The following ERC2 variants were observed in gnomAD, a reference collection of about 807,000 sequenced individuals.
ERC2 encodes the protein ELKS/RAB6-interacting/CAST family member 2.
ERC2 carries 42 observed loss-of-function variants against 114.8 expected under a neutral mutation model. The ratio of observed to expected loss-of-function variants is 0.37; its 90% CI spans 0.29 to 0.47. The LOEUF is 0.47. Ranked by LOEUF, ERC2 falls within the 20% of genes least tolerant of loss-of-function variation. The pLI is 0.99. For synonymous variants in ERC2, 454 were observed against 425.5 expected (o/e 1.07, Z -0.82); for missense variants, 939 against 1,150.7 (o/e 0.82, Z 2.66).
intron 7 of ERC2, among the ~76,000 whole-genome samples, chr3:56,032,953 A>G (rs1442317709): frequency 1.3e-4 from 10 of 76,928 alleles, no homozygotes; most frequent in Non-Finnish European, 1.9e-4. Context: ...GAAAGAAAGA[A>G]AGAAACAGAA....
chr3:55,963,525 G>A (rs1245066379), intron 12 of ERC2, among the ~76,000 whole-genome samples: 1 of 152,022 alleles, frequency 6.6e-6, no homozygotes, highest in Non-Finnish European at 1.5e-5. Context: ...CCCAAGACAG[G>A]GACAAGACAT....
chr3:56,146,573 C>A (rs757808502), intron 5 of ERC2, among the ~76,000 whole-genome samples: 1 of 152,084 alleles, frequency 6.6e-6, no homozygotes, highest in African/African-American at 2.4e-5. Flanking sequence ...TTTGGTTATA[C>A]CTCTTCAATA....
intron 13 of ERC2, among the ~76,000 whole-genome samples, chr3:55,929,612 G>A (rs1404397468): frequency 2.0e-5 from 3 of 152,196 alleles, no homozygotes; most frequent in Admixed American, 6.5e-5. Flanking sequence ...TACAAAGGAA[G>A]GTGATATAAT....
At chr3:56,314,460 G>C (rs2056770397) in intron 2 of ERC2, among the ~76,000 whole-genome samples, 1 of 122,960 alleles carries the variant, frequency 8.1e-6, no homozygotes. Flanking sequence ...ATTGCAAACT[G>C]TTCCAGAATG....
At chr3:55,984,901 A>G (rs2070469603) in intron 12 of ERC2, among the ~76,000 whole-genome samples, 1 of 152,234 alleles carries the variant, frequency 6.6e-6, no homozygotes, top group Non-Finnish European at 1.5e-5. Context: ...AGGTTTGTGT[A>G]TAAAGACATG....
At chr3:55,704,282 G>T (rs902890282) in intron 15 of ERC2, among the ~76,000 whole-genome samples, 1 of 152,124 alleles carries the variant, frequency 6.6e-6, no homozygotes, top group Non-Finnish European at 1.5e-5. Flanking sequence ...AATTAAAACT[G>T]CTTTTAAAAA....
At chr3:55,590,167 G>A (rs543161910) in intron 17 of ERC2, among the ~76,000 whole-genome samples, 95 of 152,116 alleles carry the variant, frequency 6.2e-4, no homozygotes, top group Non-Finnish European at 1.2e-3. Context: ...GAAAATAAGC[G>A]AAATCTAAGT....
intron 7 of ERC2, among the ~76,000 whole-genome samples, chr3:56,078,395 T>G (rs1024128161): frequency 6.6e-6 from 1 of 152,220 alleles, no homozygotes; most frequent in Non-Finnish European, 1.5e-5. Context: ...TGTACATGAA[T>G]GTACCATTTA....
At chr3:55,905,307 C>T (rs1440639360) in intron 13 of ERC2, among the ~76,000 whole-genome samples, 1 of 152,190 alleles carries the variant, frequency 6.6e-6, no homozygotes, top group African/African-American at 2.4e-5. Flanking sequence ...TCTCGAACTC[C>T]TGACCTCAAG....
intron 10 of ERC2, among the ~76,000 whole-genome samples, chr3:55,998,855 T>G (rs1261126242): frequency 1.3e-5 from 2 of 152,184 alleles, no homozygotes; most frequent in Admixed American, 6.5e-5. Flanking sequence ...GCTAAATATG[T>G]GTTGAGAAGA....
chr3:56,030,916 G>A (rs1237769501), intron 7 of ERC2, among the ~76,000 whole-genome samples: 1 of 152,184 alleles, frequency 6.6e-6, no homozygotes, highest in East Asian at 1.9e-4. Context: ...GATACATGGG[G>A]AAAAGAGAGT....
At chr3:56,131,853 A>C (rs1027044106) in intron 6 of ERC2, among the ~76,000 whole-genome samples, 1 of 152,232 alleles carries the variant, frequency 6.6e-6, no homozygotes, top group Non-Finnish European at 1.5e-5. Flanking sequence ...GGTTCCCAAC[A>C]CAAAAAAATG....
intron 13 of ERC2, among the ~76,000 whole-genome samples, chr3:55,933,801 G>C (rs1311172698): frequency 6.6e-6 from 1 of 152,194 alleles, no homozygotes; most frequent in Non-Finnish European, 1.5e-5. Context: ...TCCAGTGCGT[G>C]GGTATGCAAG....
chr3:56,284,395 T>A (rs890892411), intron 3 of ERC2, among the ~76,000 whole-genome samples: 2 of 152,210 alleles, frequency 1.3e-5, no homozygotes. Flanking sequence ...TTAATAGCAA[T>A]AATAAAAATA....
At chr3:56,033,080 GA>G (rs1553782573) in intron 7 of ERC2, among the ~76,000 whole-genome samples, 1 of 125,746 alleles carries the variant, frequency 8.0e-6, no homozygotes, top group East Asian at 2.4e-4. Context: ...AAGAAAGAAA[GA>G]AAGAAAAGTA....
intron 2 of ERC2, among the ~76,000 whole-genome samples, chr3:56,298,727 AG>A (rs1293467451): frequency 2.0e-5 from 3 of 152,036 alleles, no homozygotes; most frequent in Non-Finnish European, 4.4e-5. Flanking sequence ...GGGACTCTAA[AG>A]GGTATGGGGC....
At chr3:56,335,441 C>T (rs1364511241) in intron 2 of ERC2, among the ~76,000 whole-genome samples, 2 of 152,092 alleles carry the variant, frequency 1.3e-5, no homozygotes, top group African/African-American at 2.4e-5. Context: ...TTTGAGTCAA[C>T]AAAAAAGCGA....
chr3:55,895,321 A>C (rs929454484), intron 13 of ERC2, among the ~76,000 whole-genome samples: 2 of 152,216 alleles, frequency 1.3e-5, no homozygotes, highest in Non-Finnish European at 2.9e-5. Context: ...TTAAAGATCC[A>C]GGTGATTCCA....
At chr3:55,942,432 G>A (rs1384608217) in intron 13 of ERC2, among the ~76,000 whole-genome samples, 1 of 148,526 alleles carries the variant, frequency 6.7e-6, no homozygotes, top group East Asian at 2.0e-4. Flanking sequence ...GGGACTACAG[G>A]CGCCCGCCAC....
Sources: gnomAD v4.1 joint callset for allele counts (sites outside exome capture counted in the v4.1 genomes callset) on GRCh38, gnomAD v4.1.1 for gene constraint, MANE v1.5 for transcripts, NCBI Gene and HGNC (gene_info 2026-07-23, HGNC 2026-07-21) for gene names.